The following GSE1 variants were observed in gnomAD, a reference collection of about 807,000 sequenced individuals.
The protein encoded by GSE1 is genetic suppressor element 1.
In GSE1, 32 loss-of-function variants were observed where a neutral mutation model predicts 112.6. The ratio of observed to expected loss-of-function variants is 0.28; its 90% CI spans 0.21 to 0.38. The LOEUF (loss-of-function observed/expected upper bound fraction) is 0.38. Ranked by LOEUF, GSE1 falls within the 10% of genes least tolerant of loss-of-function variation. GSE1 has a pLI of 1.00. For synonymous variants in GSE1, 1,115 were observed against 735.6 expected (o/e 1.52, Z -8.35); for missense variants, 2,348 against 1,699.2 (o/e 1.38, Z -6.71).
intron 1 of GSE1, chr16:85,306,396 CAG>C (rs1165595168): frequency 6.5e-6 from 1 of 153,708 alleles, no homozygotes; most frequent in Non-Finnish European, 1.5e-5. Context: ...TGCGTCATCA[CAG>C]GGGCGTGGTC....
chr16:85,239,593 T>A lies in GSE1; in HGVS notation c.2283+67786T>A, dbSNP rs1905009033. Among the ~76,000 whole-genome samples, 2 of 152,168 alleles carry A rather than the reference T, an allele frequency of 1.3e-5. 1 individual carries two copies. Among genetic ancestry groups the A allele is most frequent in the South Asian group, 4.1e-4 (2 of 4,826 alleles). On this transcript the variant is annotated intron_variant, in intron 1 of 2. Transcript: ENST00000637419. ...CTTCAGGACTAAGCACCTTCCCACC[T>A]AACCTGGGCTGCAGGAGATGAGGCT...
chr16:85,613,288 C>G (rs2048118033), upstream of GSE1: 29 of 1,539,330 alleles, frequency 1.9e-5, no homozygotes, highest in South Asian at 2.7e-4. Flanking sequence ...CGGGCCCGAG[C>G]TGCCGCCGCC....
chr16:85,429,381 G>A (rs1054435396), intron 2 of GSE1, among the ~76,000 whole-genome samples: 2 of 152,228 alleles, frequency 1.3e-5, no homozygotes, highest in Admixed American at 6.5e-5. Flanking sequence ...CAGGAGTTGC[G>A]CTGCTGCCCC....
intron 1 of GSE1, among the ~76,000 whole-genome samples, chr16:85,172,165 T>C (rs539292186): frequency 3.9e-4 from 60 of 152,286 alleles, no homozygotes; most frequent in African/African-American, 1.4e-3. Flanking sequence ...CCTGATAACA[T>C]TGGTAATTAG....
At chr16:85,305,606 G>C (rs531034159) in intron 1 of GSE1, among the ~76,000 whole-genome samples, 1 of 151,970 alleles carries the variant, frequency 6.6e-6, no homozygotes, top group Non-Finnish European at 1.5e-5. Context: ...TCAGCCTCCC[G>C]AGTAGCTGGG....
At chr16:85,548,592 G>A (rs765850233) in intron 2 of GSE1, among the ~76,000 whole-genome samples, 22 of 152,090 alleles carry the variant, frequency 1.4e-4, no homozygotes, top group African/African-American at 4.8e-4. Flanking sequence ...CTTTTTTACG[G>A]GTGAGTAGTA....
chr16:85,349,203 G>T (rs570273078), intron 1 of GSE1, among the ~76,000 whole-genome samples: 65 of 152,192 alleles, frequency 4.3e-4, no homozygotes, highest in South Asian at 6.2e-4. Flanking sequence ...TCTGCATTCG[G>T]CATCTCCAAT....
chr16:85,182,054 C>T (rs1054446373), intron 1 of GSE1, among the ~76,000 whole-genome samples: 4 of 152,200 alleles, frequency 2.6e-5, no homozygotes, highest in African/African-American at 7.2e-5. Context: ...AATGTGGCTT[C>T]GTGCTCTGCT....
chr16:85,516,691 C>T (rs1250429428), intron 2 of GSE1, among the ~76,000 whole-genome samples: 3 of 151,914 alleles, frequency 2.0e-5, no homozygotes, highest in Admixed American at 1.3e-4. Context: ...CTAAGGCCCC[C>T]CTGCCATTTT....
At chr16:85,602,639 G>A (rs532822669) in intron 1 of GSE1, among the ~76,000 whole-genome samples, 22 of 152,294 alleles carry the variant, frequency 1.4e-4, no homozygotes, top group East Asian at 1.4e-3. Context: ...GGGGGCCTGA[G>A]GTGTAGGTGT....
At chr16:85,260,433 C>T (rs956208484) in intron 1 of GSE1, among the ~76,000 whole-genome samples, 1 of 147,702 alleles carries the variant, frequency 6.8e-6, no homozygotes, top group Non-Finnish European at 1.5e-5. Flanking sequence ...AGTGATTCTC[C>T]TGCTTCAGCG....
rs892698392 is a variant in GSE1, at chr16:85,675,598, G to C, written c.*3059G>C. The C allele has an allele frequency of 2.0e-5, 3 of 152,186 alleles. No individual in the cohort carries two copies. Among genetic ancestry groups the C allele is most frequent in the Non-Finnish European group, 2.9e-5 (2 of 68,036 alleles). The allele number at this position is 152,186 out of a possible 1,614,324, so 9.4% of individuals were successfully genotyped here. ...CAGCAGTGAAGGATTCTAACACAGG[G>C]AATCTGCAGTTTGTAGCAGAATGGT... On this transcript the variant is annotated 3_prime_UTR_variant, in exon 16 of 16. Coordinates refer to ENST00000253458, the MANE Select transcript of GSE1 (RefSeq NM_014615.5).
At chr16:85,429,026 A>G (rs1358385381) in intron 2 of GSE1, among the ~76,000 whole-genome samples, 2 of 152,200 alleles carry the variant, frequency 1.3e-5, no homozygotes, top group African/African-American at 4.8e-5. Flanking sequence ...CAACGCACAC[A>G]TACAACACGT....
At chr16:85,299,260 C>A (rs551857961) in intron 1 of GSE1, among the ~76,000 whole-genome samples, 3 of 152,332 alleles carry the variant, frequency 2.0e-5, no homozygotes, top group Non-Finnish European at 4.4e-5. Flanking sequence ...GTCCTAAATG[C>A]GCCAGGTGCT....
chr16:85,447,475 G>T (rs923949822), intron 2 of GSE1, among the ~76,000 whole-genome samples: 5 of 152,228 alleles, frequency 3.3e-5, no homozygotes, highest in African/African-American at 4.8e-5. Context: ...AGCCACACTG[G>T]TGCGCTGTGA....
intron 1 of GSE1, among the ~76,000 whole-genome samples, chr16:85,574,132 C>T (rs925582895): frequency 2.0e-5 from 3 of 152,166 alleles, no homozygotes; most frequent in Non-Finnish European, 2.9e-5. Context: ...TCTTGGAAGG[C>T]GTCCAACTGG....
rs1055232809 is a variant in GSE1 at position 85,211,746 on chromosome 16, G to C, written c.2283+39939G>C. Among the ~76,000 whole-genome samples the C allele has an allele frequency of 7.9e-5, 12 of 152,204 alleles. 1 individual carries two copies. Among genetic ancestry groups the C allele is most frequent in the Admixed American group, 7.9e-4 (12 of 15,280 alleles). On this transcript the variant is annotated intron_variant, in intron 1 of 2. Transcript: ENST00000637419. Reference sequence around the variant, plus strand: ...GCCTGACAGGGTACTGGGCACCCGCGAGAGAGGTATCAGTGCCTGCCCAGT... The same window carrying C: ...GCCTGACAGGGTACTGGGCACCCGCCAGAGAGGTATCAGTGCCTGCCCAGT...
chr16:85,614,838 A>G (rs1016569099), intron 1 of GSE1, among the ~76,000 whole-genome samples: 3 of 152,246 alleles, frequency 2.0e-5, no homozygotes, highest in African/African-American at 7.2e-5. Context: ...AAGCGGGGCC[A>G]CCAAATGGAA....
intron 9 of GSE1, among the ~76,000 whole-genome samples, chr16:85,662,015 TG>T (rs1476900065): frequency 1.3e-5 from 2 of 152,224 alleles, no homozygotes; most frequent in Non-Finnish European, 2.9e-5. Context: ...AAAGCCCGCC[TG>T]TGAAGATAGT....
Sources: allele counts gnomAD v4.1 joint callset (sites outside exome capture counted in the v4.1 genomes callset), GRCh38; gene constraint gnomAD v4.1.1; transcripts MANE v1.5; gene names NCBI Gene and HGNC (gene_info 2026-07-23, HGNC 2026-07-21).